The following CLSTN2 variants were observed in gnomAD, a reference collection of about 807,000 sequenced individuals.
The protein encoded by CLSTN2 is calsyntenin-2.
In CLSTN2, 48 loss-of-function variants were observed where a neutral mutation model predicts 101.2. The ratio of observed to expected loss-of-function variants is 0.47; its 90% confidence interval spans 0.38 to 0.60. The LOEUF (loss-of-function observed/expected upper bound fraction) is 0.60, where lower values mean the gene tolerates loss of function less well. Ranked by LOEUF, CLSTN2 falls within the 20% of genes least tolerant of loss-of-function variation. The probability of loss-of-function intolerance (pLI) is 0.00; values close to 1 mark genes in which losing one functional copy is unlikely to be tolerated. For missense variants in CLSTN2, 1,160 were observed against 1,238.2 expected (o/e 0.94, Z 0.95); for synonymous variants, 481 against 463.6 (o/e 1.04, Z -0.48).
At chr3:140,386,717 T>A (rs557581173) in intron 2 of CLSTN2, among the ~76,000 whole-genome samples, 3 of 152,022 alleles carry the variant, frequency 2.0e-5, no homozygotes, top group Non-Finnish European at 4.4e-5. Context: ...TGGTTCTCAA[T>A]CTCTCTCTCC....
In CLSTN2 at chr3:140,448,570, TC is replaced by T; in HGVS notation, c.843del (p.Ser282AlafsTer73). 3 of 1,614,088 alleles carry T rather than the reference TC, an allele frequency of 1.9e-6. No individual in the cohort carries two copies. The highest frequency in any genetic ancestry group is 1.7e-6 in the Non-Finnish European group (2 of 1,179,990). On this transcript the variant is annotated frameshift_variant, in exon 6 of 17. Transcript: ENST00000458420. LOFTEE classifies it high-confidence loss of function. ...YQPGSGSMPL[F>X]PSIHLETCDG... ...CCTGGCTCCGGGAGCATGCCCCTGTTCCCCAGCATCCACCTGGAGACGTGCG... is the reference window on the plus strand; with the variant it reads ...CCTGGCTCCGGGAGCATGCCCCTGTTCCCAGCATCCACCTGGAGACGTGCG...
At chr3:140,358,737 T>C (rs976481266) in intron 2 of CLSTN2, among the ~76,000 whole-genome samples, 7 of 151,920 alleles carry the variant, frequency 4.6e-5, no homozygotes, top group African/African-American at 1.7e-4. Context: ...TTCACTCCAA[T>C]CCCCCAACTC....
intron 2 of CLSTN2, among the ~76,000 whole-genome samples, chr3:140,210,470 T>C (rs1469873720): frequency 6.6e-6 from 1 of 152,190 alleles, no homozygotes; most frequent in Non-Finnish European, 1.5e-5. Context: ...TCAACCCACA[T>C]GATACACACC....
intron 2 of CLSTN2, among the ~76,000 whole-genome samples, chr3:140,354,911 C>T (rs1338944834): frequency 6.6e-6 from 1 of 152,198 alleles, no homozygotes; most frequent in African/African-American, 2.4e-5. Flanking sequence ...ACCTACTATT[C>T]TCCTGCTAGT....
intron 1 of CLSTN2, among the ~76,000 whole-genome samples, chr3:139,957,532 A>G (rs1024576824): frequency 1.3e-5 from 2 of 151,932 alleles, no homozygotes; most frequent in African/African-American, 2.4e-5. Flanking sequence ...GGTTTATTAG[A>G]TAATGAGCTA....
At chr3:140,481,264 T>C (rs191461437) in intron 8 of CLSTN2, among the ~76,000 whole-genome samples, 5,148 of 152,212 alleles carry the variant, frequency 0.034, 263 homozygotes, top group African/African-American at 0.12. Context: ...TGTAGATACG[T>C]GGCATTATTT....
At chr3:140,242,761 G>A (rs1326783721) in intron 2 of CLSTN2, among the ~76,000 whole-genome samples, 2 of 152,192 alleles carry the variant, frequency 1.3e-5, no homozygotes, top group Non-Finnish European at 2.9e-5. Context: ...AATGGGGCCT[G>A]ACGGAGTCCT....
At chr3:140,307,032 T>C (rs2087120852) in intron 2 of CLSTN2, among the ~76,000 whole-genome samples, 1 of 152,012 alleles carries the variant, frequency 6.6e-6, no homozygotes. Context: ...GTTGTTCTCA[T>C]GATAGTGAAT....
intron 4 of CLSTN2, among the ~76,000 whole-genome samples, chr3:140,416,641 C>A (rs368533981): frequency 1.8e-4 from 27 of 152,264 alleles, no homozygotes; most frequent in African/African-American, 6.3e-4. Context: ...TTGTCTCAGA[C>A]CCTCACCAGT....
chr3:140,228,578 T>G (rs1438969800), intron 2 of CLSTN2, among the ~76,000 whole-genome samples: 1 of 152,202 alleles, frequency 6.6e-6, no homozygotes, highest in Non-Finnish European at 1.5e-5. Context: ...CACCCCACTC[T>G]TGTAGTACCA....
At chr3:140,329,144 T>C (rs2087358431) in intron 2 of CLSTN2, among the ~76,000 whole-genome samples, 1 of 152,112 alleles carries the variant, frequency 6.6e-6, no homozygotes, top group Non-Finnish European at 1.5e-5. Context: ...CCCAGCACTT[T>C]GGGAAGCTGA....
intron 1 of CLSTN2, among the ~76,000 whole-genome samples, chr3:139,970,441 C>G (rs1478739129): frequency 6.6e-6 from 1 of 152,134 alleles, no homozygotes; most frequent in Middle Eastern, 3.2e-3. Context: ...AAGCCTAGTT[C>G]TAAAATACAA....
chr3:140,444,574 C>T (rs570580016), intron 5 of CLSTN2, among the ~76,000 whole-genome samples: 1 of 152,302 alleles, frequency 6.6e-6, no homozygotes, highest in Admixed American at 6.5e-5. Context: ...TGCTTGGCAC[C>T]TTGTCAGTGC....
intron 2 of CLSTN2, among the ~76,000 whole-genome samples, chr3:140,279,464 TA>T (rs1464459110): frequency 1.3e-5 from 2 of 152,146 alleles, no homozygotes; most frequent in Admixed American, 1.3e-4. Flanking sequence ...AGCTAGGAGA[TA>T]AATGGAGGAG....
chr3:140,187,193 C>T (rs1275251952), intron 2 of CLSTN2, among the ~76,000 whole-genome samples: 1 of 152,152 alleles, frequency 6.6e-6, no homozygotes, highest in Non-Finnish European at 1.5e-5. Context: ...CCTGTCATAT[C>T]TGCACTGAGG....
At chr3:140,307,778 A>T (rs1033199294) in intron 2 of CLSTN2, among the ~76,000 whole-genome samples, 2 of 152,094 alleles carry the variant, frequency 1.3e-5, no homozygotes, top group Non-Finnish European at 2.9e-5. Flanking sequence ...GCTTTCTTCC[A>T]CCATTCATGT....
chr3:140,179,751 A>G (rs1016011683), intron 2 of CLSTN2, among the ~76,000 whole-genome samples: 1 of 151,246 alleles, frequency 6.6e-6, no homozygotes, highest in Non-Finnish European at 1.5e-5. Flanking sequence ...TTTTTAAATG[A>G]CTACATGATT....
chr3:140,014,746 G>A (rs1200987086), intron 1 of CLSTN2, among the ~76,000 whole-genome samples: 1 of 152,114 alleles, frequency 6.6e-6, no homozygotes, highest in Non-Finnish European at 1.5e-5. Context: ...GCAGGGATGG[G>A]GTCAGAGACA....
At chr3:140,182,034 T>A (rs1167741278) in intron 2 of CLSTN2, among the ~76,000 whole-genome samples, 2 of 152,188 alleles carry the variant, frequency 1.3e-5, no homozygotes, top group Non-Finnish European at 2.9e-5. Context: ...TAAATTCTCT[T>A]TCTGATCATG....
Sources: allele counts gnomAD v4.1 joint callset (sites outside exome capture counted in the v4.1 genomes callset), GRCh38; gene constraint gnomAD v4.1.1; transcripts MANE v1.5; gene names NCBI Gene and HGNC (gene_info 2026-07-23, HGNC 2026-07-21).